Variants in SDC3 observed in about 807,000 individuals in gnomAD.
SDC3 encodes syndecan-3.
Under a neutral mutation model 24.4 loss-of-function variants are expected in SDC3, and 13 were observed. The ratio of observed to expected loss-of-function variants is 0.53; its 90% confidence interval spans 0.35 to 0.85. The LOEUF (loss-of-function observed/expected upper bound fraction) is 0.85, where lower values mean the gene tolerates loss of function less well. Among genes scored for constraint, SDC3 ranks in the 40% least tolerant of loss-of-function variants. The pLI is 0.01. For missense variants in SDC3, 571 were observed against 584.5 expected (o/e 0.98, Z 0.24); for synonymous variants, 295 against 260.9 (o/e 1.13, Z -1.26).
intron 1 of SDC3, among the ~76,000 whole-genome samples, chr1:30,895,790 A>T (rs1444538637): frequency 6.8e-6 from 1 of 146,710 alleles, no homozygotes; most frequent in East Asian, 2.2e-4. Context: ...GGTTCCAACC[A>T]GCCAGGGAGC....
chr1:30,907,496 G>A (rs1184992067), intron 1 of SDC3, among the ~76,000 whole-genome samples: 2 of 152,128 alleles, frequency 1.3e-5, no homozygotes, highest in Non-Finnish European at 2.9e-5. Flanking sequence ...GCTGCTATGT[G>A]CACTCACACA....
At chr1:30,891,506 C>T (rs889487691) in intron 1 of SDC3, among the ~76,000 whole-genome samples, 1 of 152,172 alleles carries the variant, frequency 6.6e-6, no homozygotes, top group African/African-American at 2.4e-5. Flanking sequence ...AGGTATGAAG[C>T]CTAAAACCCC....
In SDC3 at chr1:30,870,692, T is replaced by G. The variant is rs1011495377; in HGVS notation, c.*2519A>C. 6.6e-6 allele frequency: 1 copy of G among 152,370 alleles called. No individual in the cohort carries two copies. Among genetic ancestry groups the G allele is most frequent in the Non-Finnish European group, 1.5e-5 (1 of 68,174 alleles). The allele number at this position is 152,370 out of a possible 1,614,324, so 9.4% of individuals were successfully genotyped here. ...TAAGGACACAGAGAAGAGAAGCCAG[T>G]GCCTGGAGCCCAAGCCCCAAATCAG... On this transcript the variant is annotated 3_prime_UTR_variant, in exon 5 of 5. Transcript: ENST00000339394.
At chr1:30,885,484 C>T (rs1442208768) in intron 1 of SDC3, among the ~76,000 whole-genome samples, 1 of 152,194 alleles carries the variant, frequency 6.6e-6, no homozygotes, top group East Asian at 1.9e-4. Flanking sequence ...TATTAGAGAG[C>T]GCACATCCTC....
At chr1:30,876,225 G>T (rs910713075) in intron 3 of SDC3, among the ~76,000 whole-genome samples, 8 of 152,202 alleles carry the variant, frequency 5.3e-5, no homozygotes, top group African/African-American at 7.2e-5. Context: ...GCAGTGGAAA[G>T]ATTCTAATCC....
rs981666113 is a variant in SDC3, at chr1:30,878,562, G to A, written c.256+61C>T. On this transcript the variant is annotated intron_variant, in intron 2 of 4. Coordinates refer to ENST00000339394, the MANE Select transcript of SDC3 (RefSeq NM_014654.4). ...GCAAGCCCCCCGTGGGCTTCTCAGAGTTGAGGCTGGATACAGACTGGTCAC... is the reference window on the plus strand; with the variant it reads ...GCAAGCCCCCCGTGGGCTTCTCAGAATTGAGGCTGGATACAGACTGGTCAC... 34 of 1,419,114 alleles carry A rather than the reference G, an allele frequency of 2.4e-5. No individual in the cohort carries two copies. In the East Asian group the frequency reaches 7.7e-4, roughly 32 times the overall value. 87.9% of individuals were successfully genotyped at this position (1,419,114 alleles called of 1,614,324 possible).
chr1:30,884,067 G>A (rs1639788276), intron 1 of SDC3, among the ~76,000 whole-genome samples: 2 of 152,176 alleles, frequency 1.3e-5, no homozygotes, highest in Admixed American at 1.3e-4. Context: ...CCGGGACCAG[G>A]AGGGGGATGT....
In SDC3 at chr1:30,869,622, C is replaced by T. The variant is rs1009890707; in HGVS notation, c.*3589G>A. ...AGGAGAGTACCCGCAGTGGGGCAGGCGCCTTGGTCTCTTTTTTCCACTGTC... is the reference window on the plus strand; with the variant it reads ...AGGAGAGTACCCGCAGTGGGGCAGGTGCCTTGGTCTCTTTTTTCCACTGTC... On this transcript the variant is annotated 3_prime_UTR_variant, in exon 5 of 5. Transcript: ENST00000339394. The T allele has an allele frequency of 1.0e-5, 4 of 397,796 alleles. No homozygotes were observed. Among genetic ancestry groups the T allele is most frequent in the South Asian group, 1.3e-4 (1 of 7,836 alleles). 24.6% of individuals were successfully genotyped at this position (397,796 alleles called of 1,614,324 possible).
chr1:30,897,897 G>A (rs1638315509), intron 1 of SDC3, among the ~76,000 whole-genome samples: 1 of 152,176 alleles, frequency 6.6e-6, no homozygotes, highest in Non-Finnish European at 1.5e-5. Flanking sequence ...GGCACTCAAT[G>A]GGCAGAACTC....
At chr1:30,907,465 C>T (rs1195869955) in intron 1 of SDC3, among the ~76,000 whole-genome samples, 1 of 152,180 alleles carries the variant, frequency 6.6e-6, no homozygotes, top group Admixed American at 6.5e-5. Flanking sequence ...TCCAGGGTCC[C>T]CCATGCACCT....
rs1446611083 is a variant in SDC3, at chr1:30,870,626, G to C, written c.*2585C>G. 1.3e-5 allele frequency: 2 copies of C among 152,274 alleles called. No homozygotes were observed. Among genetic ancestry groups the C allele is most frequent in the Admixed American group, 6.5e-5 (1 of 15,292 alleles). 9.4% of individuals were successfully genotyped at this position (152,274 alleles called of 1,614,324 possible). A position where few individuals can be genotyped will look rare whatever the true frequency, so the allele number is the denominator to read the frequency against. ...AGCCTGGACATCTGCCTTGGGTCCA[G>C]GGATCCATGAACAAGGCCCCTGGCC... On this transcript the variant is annotated 3_prime_UTR_variant, in exon 5 of 5. Transcript: ENST00000339394.
chr1:30,878,910 G>A (rs1024246430), intron 1 of SDC3, 170 bp from the exon 2 acceptor site: 2 of 592,284 alleles, frequency 3.4e-6, no homozygotes, highest in African/African-American at 1.8e-5. Context: ...CAGGGCAGGG[G>A]TGGGGTGTGG....
At chr1:30,894,981 A>G (rs1639980366) in intron 1 of SDC3, among the ~76,000 whole-genome samples, 1 of 151,986 alleles carries the variant, frequency 6.6e-6, no homozygotes, top group Non-Finnish European at 1.5e-5. Flanking sequence ...TGTGCACAGG[A>G]CAAGGGTATT....
In SDC3 at chr1:30,878,190, G is replaced by T. The variant is rs115255914; in HGVS notation, c.256+433C>A. ...GGGGTTCGCGGTGCCCTTCTCTCCC[G>T]AGATTCTGCTAGACCCAGCTGACCT... On this transcript the variant is annotated intron_variant, in intron 2 of 4. Coordinates refer to ENST00000339394, the MANE Select transcript of SDC3 (RefSeq NM_014654.4). The T allele has an allele frequency of 3.1e-5, 5 of 158,904 alleles. No homozygotes were observed. The East Asian group carries it at 9.1e-4, about 29-fold the overall frequency. The allele number at this position is 158,904 out of a possible 1,614,324, so 9.8% of individuals were successfully genotyped here.
intron 1 of SDC3, chr1:30,880,859 C>T (rs1415550313): frequency 6.6e-6 from 1 of 151,992 alleles, no homozygotes; most frequent in Non-Finnish European, 1.5e-5. Flanking sequence ...CATAATCCAT[C>T]ATAATAAGCA....
At chr1:30,907,814 CCCTCCA>C in intron 1 of SDC3, among the ~76,000 whole-genome samples, 1 of 152,318 alleles carries the variant, frequency 6.6e-6, no homozygotes, top group East Asian at 1.9e-4. Flanking sequence ...CACCAAGTCA[CCCTCCA>C]CCTCCACCTC....
rs1391943441 is a variant in SDC3 at position 30,876,771 on chromosome 1, G to C, written c.651C>G (p.Thr217=). ...TAGTGGCCCGTGCCGTAGCCACTGT[G>C]GTCAGTGGGAGAGGCAGAAGCCTCC... is the stretch of plus-strand genomic sequence containing the variant. ...GVRRLLPLPL[T]TVATARATTP... The change falls in exon 3 of 5, where the codon ACC becomes ACG. Residue 217 remains threonine, a synonymous_variant. Transcript: ENST00000339394. 1.3e-6 allele frequency: 2 copies of C among 1,590,504 alleles called. No homozygotes were observed. Among genetic ancestry groups the C allele is most frequent in the East Asian group, 4.5e-5 (2 of 44,576 alleles).
In SDC3 at chr1:30,905,957, G is replaced by A. The variant is rs538556893; in HGVS notation, c.138+2492C>T. Among the ~76,000 whole-genome samples, 7 of 97,736 alleles carry A rather than the reference G, an allele frequency of 7.2e-5. No homozygotes were observed. The East Asian group carries it at 1.8e-3, about 26-fold the overall frequency. The allele number at this position is 97,736 out of a possible 152,430, so 64.1% of individuals were successfully genotyped here. ...CTGCTATCCCCATGCTGAAAGACAC[G>A]AAGACACACACACACACACACACAC... On this transcript the variant is annotated intron_variant, in intron 1 of 4. Transcript: ENST00000339394.
chr1:30,877,478 C>T (rs568430447), intron 2 of SDC3: 11 of 560,502 alleles, frequency 2.0e-5, no homozygotes, highest in South Asian at 1.5e-4. Flanking sequence ...GCAACTGAGG[C>T]GCTACTGGCT....
Sources: gnomAD v4.1 joint callset for allele counts (sites outside exome capture counted in the v4.1 genomes callset) on GRCh38, gnomAD v4.1.1 for gene constraint, MANE v1.5 for transcripts, NCBI Gene and HGNC (gene_info 2026-07-23, HGNC 2026-07-21) for gene names.